AGFG1: variants seen among roughly 807,000 people sequenced by gnomAD.
AGFG1 encodes arf-GAP domain and FG repeat-containing protein 1.
In AGFG1, 10 loss-of-function variants were observed where a neutral mutation model predicts 60.6. The observed-to-expected ratio is 0.16, with a 90% CI of 0.10 to 0.28. The LOEUF is 0.28. Ranked by LOEUF, AGFG1 falls within the 10% of genes least tolerant of loss-of-function variation. The probability of loss-of-function intolerance (pLI) is 1.00; values close to 1 mark genes in which losing one functional copy is unlikely to be tolerated. For missense variants in AGFG1, 537 were observed against 676.5 expected (o/e 0.79, Z 2.29); for synonymous variants, 247 against 242.9 (o/e 1.02, Z -0.16).
chr2:227,531,561 A>G (rs1428749261), intron 6 of AGFG1, among the ~76,000 whole-genome samples: 12 of 135,486 alleles, frequency 8.9e-5, no homozygotes, highest in Non-Finnish European at 9.3e-5. Flanking sequence ...CTGCCTCAGG[A>G]TGGAATACAG....
In AGFG1 at chr2:227,519,949, T is replaced by C; in HGVS notation, c.263T>C (p.Val88Ala). Residue 88 changes from valine to alanine, a missense_variant and splice_region_variant, in exon 3 of 13, where the codon GTC becomes GCC. Around this residue, in one of 4 missense-constraint regions of AGFG1, gnomAD observed 120 missense variants for 198.5 expected, o/e 0.60. Coordinates refer to ENST00000310078, the MANE Select transcript of AGFG1 (RefSeq NM_004504.5). Reference protein sequence around the residue: ...IEFLQKHGNEVCKQIWLGLFD... With the variant: ...IEFLQKHGNEACKQIWLGLFD... ...ATATTTTTTTAATTCTTTCCAAAGG[T>C]CTGTAAACAGATTTGGCTAGGATTA... is the stretch of plus-strand genomic sequence containing the variant. 1 of 1,568,576 alleles carries C rather than the reference T, an allele frequency of 6.4e-7. No homozygotes were observed.
intron 10 of AGFG1, chr2:227,550,187 C>A: frequency 2.9e-6 from 1 of 349,372 alleles, no homozygotes; most frequent in Non-Finnish European, 5.9e-6. Flanking sequence ...TGTTCTGGAT[C>A]CCTGCATGTG....
At chr2:227,501,833 A>G (rs1233887767) in intron 2 of AGFG1, among the ~76,000 whole-genome samples, 1 of 151,418 alleles carries the variant, frequency 6.6e-6, no homozygotes, top group East Asian at 1.9e-4. Context: ...AGTAAGTTAA[A>G]ATGTGATTTT....
chr2:227,483,223 T>C (rs1690522708), intron 1 of AGFG1, among the ~76,000 whole-genome samples: 1 of 152,176 alleles, frequency 6.6e-6, no homozygotes, highest in Non-Finnish European at 1.5e-5. Flanking sequence ...AAATACTTGT[T>C]TTGATTCACT....
chr2:227,528,790 A>G (rs1692070983), intron 5 of AGFG1, among the ~76,000 whole-genome samples: 1 of 152,202 alleles, frequency 6.6e-6, no homozygotes, highest in Non-Finnish European at 1.5e-5. Flanking sequence ...AATTTGTACC[A>G]TGGTTGCACT....
chr2:227,535,362 T>G (rs1250590105), intron 8 of AGFG1, among the ~76,000 whole-genome samples: 1 of 152,180 alleles, frequency 6.6e-6, no homozygotes, highest in Non-Finnish European at 1.5e-5. Flanking sequence ...TTAAAAATAG[T>G]TTTTAGTCAT....
Position 227,520,037 on chromosome 2 carries a change from A to G in AGFG1, c.351A>G (p.Leu117=), listed in dbSNP as rs746362567. 27 of 1,579,772 alleles carry G rather than the reference A, an allele frequency of 1.7e-5. No homozygotes were observed. Among genetic ancestry groups the G allele is most frequent in the Middle Eastern group, 3.3e-4 (2 of 6,022 alleles). Residue 117 remains leucine (L), a synonymous_variant, in exon 3 of 13, where the codon CTA becomes CTG. Coordinates refer to ENST00000310078, the MANE Select transcript of AGFG1 (RefSeq NM_004504.5). The part of the protein sequence containing the change: ...FRDPQKVKEF[L]QEKYEKKRWY... ...ATCCACAAAAAGTGAAAGAGTTTCT[A>G]CAAGAAAAGTATGAAAAGAAAAGAT...
At chr2:227,507,521 T>A (rs1169152247) in intron 2 of AGFG1, among the ~76,000 whole-genome samples, 4 of 139,520 alleles carry the variant, frequency 2.9e-5, no homozygotes, top group African/African-American at 1.1e-4. Flanking sequence ...GAGAATGGCA[T>A]GAACCCGGGA....
intron 10 of AGFG1, among the ~76,000 whole-genome samples, chr2:227,547,438 G>C (rs1559200406): frequency 6.6e-6 from 1 of 152,086 alleles, no homozygotes; most frequent in Non-Finnish European, 1.5e-5. Flanking sequence ...GAAAATTGTT[G>C]CCAATGTGGT....
chr2:227,552,367 T>C (rs1692845879), intron 11 of AGFG1, among the ~76,000 whole-genome samples: 2 of 152,214 alleles, frequency 1.3e-5, no homozygotes, highest in African/African-American at 4.8e-5. Flanking sequence ...ATTCTCAGAA[T>C]TTCTATTGCC....
intron 1 of AGFG1, among the ~76,000 whole-genome samples, 157 bp downstream of exon 1, chr2:227,472,745 AGGCTGCG>A (rs1690134544): frequency 6.7e-6 from 1 of 148,624 alleles, no homozygotes; most frequent in Non-Finnish European, 1.5e-5. Flanking sequence ...GCGGCGTGGG[AGGCTGCG>A]GGCTGGATGC....
At chr2:227,483,221 GT>G (rs1172807311) in intron 1 of AGFG1, among the ~76,000 whole-genome samples, 1 of 152,052 alleles carries the variant, frequency 6.6e-6, no homozygotes, top group Non-Finnish European at 1.5e-5. Context: ...AAAAATACTT[GT>G]TTTGATTCAC....
At chr2:227,493,175 G>A (rs1387164669) in intron 2 of AGFG1, among the ~76,000 whole-genome samples, 1 of 151,912 alleles carries the variant, frequency 6.6e-6, no homozygotes, top group Non-Finnish European at 1.5e-5. Context: ...AATTGTGGTG[G>A]GAACATTGAT....
chr2:227,473,126 C>G (rs542148638), intron 1 of AGFG1, among the ~76,000 whole-genome samples: 1 of 152,230 alleles, frequency 6.6e-6, no homozygotes, highest in East Asian at 1.9e-4. Flanking sequence ...GCCTGCCTCG[C>G]CCGTGCCTTT....
At chr2:227,541,746 G>A (rs1396435555) in intron 10 of AGFG1, among the ~76,000 whole-genome samples, 1 of 152,156 alleles carries the variant, frequency 6.6e-6, no homozygotes, top group Non-Finnish European at 1.5e-5. Context: ...GTCATTGGTA[G>A]CTTGATGGGG....
intron 1 of AGFG1, among the ~76,000 whole-genome samples, chr2:227,474,309 C>G (rs536686044): frequency 5.9e-5 from 9 of 152,290 alleles, no homozygotes; most frequent in African/African-American, 2.2e-4. Context: ...GTCCTTTAAT[C>G]CATGTAAAGT....
intron 1 of AGFG1, among the ~76,000 whole-genome samples, chr2:227,475,336 A>T (rs1690249745): frequency 1.3e-5 from 2 of 152,190 alleles, no homozygotes; most frequent in Admixed American, 1.3e-4. Context: ...AGCTTAGATC[A>T]TGCCACAACT....
chr2:227,476,421 A>G (rs778975846), intron 1 of AGFG1, among the ~76,000 whole-genome samples: 2 of 152,222 alleles, frequency 1.3e-5, no homozygotes, highest in African/African-American at 2.4e-5. Flanking sequence ...ATTGATATGT[A>G]ATATAAAAGA....
intron 2 of AGFG1, among the ~76,000 whole-genome samples, chr2:227,499,018 G>A (rs1053361171): frequency 6.6e-6 from 1 of 150,672 alleles, no homozygotes; most frequent in Non-Finnish European, 1.5e-5. Context: ...TAGACAAGTA[G>A]ATAATGTAAC....
Sources: gnomAD v4.1 joint callset for allele counts (sites outside exome capture counted in the v4.1 genomes callset) on GRCh38, gnomAD v4.1.1 for gene constraint, gnomAD v4.1.1 regional missense constraint, MANE v1.5 for transcripts, NCBI Gene and HGNC (gene_info 2026-07-23, HGNC 2026-07-21) for gene names.